The following CMTM2 variants were observed in gnomAD, a reference collection of about 807,000 sequenced individuals.
CMTM2 encodes CKLF-like MARVEL transmembrane domain-containing protein 2.
CMTM2 carries 15 observed loss-of-function variants against 16.8 expected under a neutral mutation model. That is an observed-to-expected ratio of 0.89 (90% CI 0.60 to 1.37). The LOEUF is 1.37. Among genes scored for constraint, CMTM2 ranks in the 40% most tolerant of loss-of-function variants. The pLI is 0.00. For missense variants in CMTM2, 282 were observed against 318.0 expected, an observed-to-expected ratio of 0.89 and a Z score of 0.86; for synonymous variants, 117 against 118.7, an observed-to-expected ratio of 0.99 and a Z score of 0.09.
At position 66,579,567 on chromosome 16, in the gene CMTM2, A is replaced by G; in HGVS notation, c.-41A>G. On this transcript the variant is annotated 5_prime_UTR_variant, in exon 1 of 4. Transcript: ENST00000268595. This position sits in a 1 kb window ranked among gnomAD's most constrained non-coding sequence, Gnocchi z 6.5. Reference sequence around the variant, plus strand: ...ACCCAGAAACAGCAGGAGAGAGAAGAAACAGGCCAGCTGTGAGAAGCCAAG... The same window carrying G: ...ACCCAGAAACAGCAGGAGAGAGAAGGAACAGGCCAGCTGTGAGAAGCCAAG... 1 of 1,610,272 alleles carries G rather than the reference A, an allele frequency of 6.2e-7. No homozygotes were observed. Among genetic ancestry groups the G allele is most frequent in the Non-Finnish European group, 8.5e-7 (1 of 1,178,832 alleles).
At chr16:66,585,923 C>T (rs1304979895) in intron 2 of CMTM2, among the ~76,000 whole-genome samples, 1 of 152,166 alleles carries the variant, frequency 6.6e-6, no homozygotes, top group Non-Finnish European at 1.5e-5. Context: ...TGTCTTCCAG[C>T]GCTGCAGGAT....
chr16:66,584,992 G>A (rs1423685438), intron 2 of CMTM2, among the ~76,000 whole-genome samples: 1 of 150,754 alleles, frequency 6.6e-6, no homozygotes, highest in Non-Finnish European at 1.5e-5. Flanking sequence ...TGTTGCCCAG[G>A]CTGGAGTGCA....
intron 2 of CMTM2, among the ~76,000 whole-genome samples, chr16:66,582,083 T>G (rs888725068): frequency 6.6e-6 from 1 of 152,082 alleles, no homozygotes; most frequent in Non-Finnish European, 1.5e-5. Context: ...ACACAACAAA[T>G]GGATTAGAAT....
intron 2 of CMTM2, 101 bp downstream of exon 2, chr16:66,580,285 A>C (rs533153401): frequency 5.2e-5 from 67 of 1,296,518 alleles, no homozygotes; most frequent in Middle Eastern, 3.9e-4. Context: ...CTCACCTCCC[A>C]TATCTGTGCC....
intron 2 of CMTM2, among the ~76,000 whole-genome samples, chr16:66,583,930 C>T (rs953724482): frequency 2.0e-5 from 3 of 152,198 alleles, no homozygotes; most frequent in African/African-American, 7.2e-5. Context: ...CAAAATCATA[C>T]GTTGAGGCCC....
chr16:66,579,531 A>G lies in CMTM2; in HGVS notation c.-77A>G. 6.4e-7 allele frequency: 1 copy of G among 1,559,714 alleles called. No individual in the cohort carries two copies. Among genetic ancestry groups the G allele is most frequent in the East Asian group, 2.2e-5 (1 of 44,614 alleles). On this transcript the variant is annotated 5_prime_UTR_variant, in exon 1 of 4. Coordinates refer to ENST00000268595, the MANE Select transcript of CMTM2 (RefSeq NM_144673.3). The surrounding 1 kb of genome is among the most constrained non-coding windows in gnomAD (Gnocchi z 6.5). ...CTCGGTGGACACCAGGCACTCTAGT[A>G]GGCCTGGCCTACCCAGAAACAGCAG...
chr16:66,587,260 C>T (rs2014804507), intron 3 of CMTM2, among the ~76,000 whole-genome samples, 162 bp downstream of exon 3: 1 of 152,200 alleles, frequency 6.6e-6, no homozygotes, highest in Admixed American at 6.5e-5. Context: ...GTGGTTCATG[C>T]CTATAATCCC....
rs781611810 is a variant in CMTM2 at position 66,580,162 on chromosome 16, C to T, written c.422C>T (p.Pro141Leu). The T allele has an allele frequency of 1.2e-6, 2 of 1,614,082 alleles. No individual in the cohort carries two copies. Among genetic ancestry groups the T allele is most frequent in the South Asian group, 2.2e-5 (2 of 91,066 alleles). ...LYSFAIHRYIPFILWPISDLF... is the reference protein window; with the variant it reads ...LYSFAIHRYILFILWPISDLF... The stretch of plus-strand genomic sequence containing the variant: ...AGCTTTGCCATTCATAGATACATAC[C>T]CTTCATCCTGTGGCCCATTTCTGTA... Residue 141 changes from proline to leucine, a missense_variant, in exon 2 of 4, where the codon CCC becomes CTC. By Grantham distance (98) the Pro-to-Leu change is moderately conservative. Transcript: ENST00000268595.
intron 2 of CMTM2, among the ~76,000 whole-genome samples, chr16:66,586,322 G>A (rs1461838985): frequency 6.6e-5 from 10 of 152,126 alleles, no homozygotes; most frequent in Non-Finnish European, 1.2e-4. Context: ...ACATCATGAC[G>A]TTTTATAGTT....
At position 66,588,108 on chromosome 16, in the gene CMTM2, G is replaced by A. The variant is rs753083887; in HGVS notation, c.736G>A (p.Gly246Arg). 1 of 1,612,650 alleles carries A rather than the reference G, an allele frequency of 6.2e-7. No individual in the cohort carries two copies. The highest frequency in any genetic ancestry group is 1.1e-5 in the South Asian group (1 of 91,004). The part of the protein sequence containing the change: ...EPGKPPGPAK[G>R]KK ...TGGCAAGCCACCAGGGCCAGCAAAGGGAAAGAAATGACTTGGAGGAGGCTC... is the reference window on the plus strand; with the variant it reads ...TGGCAAGCCACCAGGGCCAGCAAAGAGAAAGAAATGACTTGGAGGAGGCTC... Residue 246 changes from glycine (G) to arginine (R), a missense_variant, in exon 4 of 4, where the codon GGA (glycine) becomes AGA (arginine). Transcript: ENST00000268595.
chr16:66,588,050 C>T lies in CMTM2; in HGVS notation c.678C>T (p.Gly226=). 3.1e-6 allele frequency: 5 copies of T among 1,613,718 alleles called. No homozygotes were observed. Among genetic ancestry groups the T allele is most frequent in the South Asian group, 1.1e-5 (1 of 91,054 alleles). Residue 226 remains glycine (G), a synonymous_variant, in exon 4 of 4, where the codon GGC becomes GGT. Coordinates refer to ENST00000268595, the MANE Select transcript of CMTM2 (RefSeq NM_144673.3). The part of the protein sequence containing the change: ...PPGKEKGPQQ[G]KGPEPAKPPE... Reference sequence around the variant, plus strand: ...GAAAGGAAAAAGGACCCCAGCAGGGCAAGGGACCAGAACCCGCCAAGCCAC... The same window carrying T: ...GAAAGGAAAAAGGACCCCAGCAGGGTAAGGGACCAGAACCCGCCAAGCCAC...
rs200227017 is a variant in CMTM2, at chr16:66,579,772, G to A, written c.165G>A (p.Ala55=). 26 of 1,614,004 alleles carry A rather than the reference G, an allele frequency of 1.6e-5. No homozygotes were observed. Among genetic ancestry groups the A allele is most frequent in the Admixed American group, 8.3e-5 (5 of 60,010 alleles). The part of the protein sequence containing the change: ...HKEPSDKPQK[A]VQPKHEVGTR... ...AGCCATCGGACAAACCTCAAAAGGC[G>A]GTGCAGCCCAAGCACGAAGTGGGCA... Residue 55 remains alanine (A), a synonymous_variant, in exon 1 of 4, where the codon GCG becomes GCA. Transcript: ENST00000268595. This position sits in a 1 kb window ranked among gnomAD's most constrained non-coding sequence, Gnocchi z 6.5.
intron 2 of CMTM2, among the ~76,000 whole-genome samples, chr16:66,583,953 T>C (rs1171137408): frequency 6.6e-6 from 1 of 152,254 alleles, no homozygotes; most frequent in Non-Finnish European, 1.5e-5. Flanking sequence ...ACCCCCACTG[T>C]ACTGTACTTG....
intron 2 of CMTM2, chr16:66,580,545 C>A (rs887044698): frequency 4.5e-6 from 1 of 221,080 alleles, no homozygotes; most frequent in African/African-American, 2.3e-5. Context: ...CCCAGAAGGA[C>A]CCCATTCCCA....
At chr16:66,586,630 C>T (rs1191870248) in intron 2 of CMTM2, among the ~76,000 whole-genome samples, 2 of 152,048 alleles carry the variant, frequency 1.3e-5, no homozygotes, top group African/African-American at 2.4e-5. Flanking sequence ...CCTGCATAAT[C>T]GGAGTAAGAC....
rs143726596 is a variant in CMTM2 at position 66,587,063 on chromosome 16, C to T, written c.511C>T (p.Arg171Trp). ...VGAVVFAVRS[R>W]RSMNLHYLLA... is the part of the protein sequence containing the mutation. Reference sequence around the variant, plus strand: ...AGCCGTGGTCTTTGCTGTGAGAAGTCGGCGATCCATGAATCTCCACTACTT... The same window carrying T: ...AGCCGTGGTCTTTGCTGTGAGAAGTTGGCGATCCATGAATCTCCACTACTT... The change falls in exon 3 of 4, where the codon CGG (arginine) becomes TGG (tryptophan). Residue 171 changes from arginine (R) to tryptophan (W), a missense_variant. Coordinates refer to ENST00000268595, the MANE Select transcript of CMTM2 (RefSeq NM_144673.3). 211 of 1,613,906 alleles carry T rather than the reference C, an allele frequency of 1.3e-4. No individual in the cohort carries two copies. Among genetic ancestry groups the T allele is most frequent in the Non-Finnish European group, 1.7e-4 (205 of 1,179,992 alleles).
Position 66,583,484 on chromosome 16 carries a change from TG to T in CMTM2, c.444+3301del, listed in dbSNP as rs573613221. The stretch of plus-strand genomic sequence containing the variant: ...TCCAGCCTGGGTGACAGAGCGAGAC[TG>T]TCTCAAAAAAAAAAAAATGCTCTTT... On this transcript the variant is annotated intron_variant, in intron 2 of 3. Coordinates refer to ENST00000268595, the MANE Select transcript of CMTM2 (RefSeq NM_144673.3). Among the ~76,000 whole-genome samples, 8 of 150,974 alleles carry T rather than the reference TG, an allele frequency of 5.3e-5. No individual in the cohort carries two copies. In the East Asian group the frequency reaches 1.6e-3, roughly 29 times the overall value.
Position 66,579,891 on chromosome 16 carries a change from T to G in CMTM2, c.284T>G (p.Leu95Trp). ...CACGCTGAGATCAAGATTCGGAGTT[T>G]GGTGAGCTAAACTGGTATCCCTGGG... ...LGHAEIKIRS[L>W]GCLIAAMILL... is the part of the protein sequence containing the mutation. Residue 95 changes from leucine (L) to tryptophan (W), a missense_variant and splice_region_variant, in exon 1 of 4, where the codon TTG becomes TGG. Physicochemically the swap from Leu to Trp is moderately conservative, Grantham distance 61. Coordinates refer to ENST00000268595, the MANE Select transcript of CMTM2 (RefSeq NM_144673.3). This position sits in a 1 kb window ranked among gnomAD's most constrained non-coding sequence, Gnocchi z 6.5. 1 of 1,562,648 alleles carries G rather than the reference T, an allele frequency of 6.4e-7. No homozygotes were observed. Among genetic ancestry groups the G allele is most frequent in the Non-Finnish European group, 8.7e-7 (1 of 1,149,666 alleles).
Position 66,580,151 on chromosome 16 carries a change from T to C in CMTM2, c.411T>C (p.His137=). Residue 137 remains histidine, a synonymous_variant, in exon 2 of 4, where the codon CAT becomes CAC. Coordinates refer to ENST00000268595, the MANE Select transcript of CMTM2 (RefSeq NM_144673.3). ...TCTTACTGTACAGCTTTGCCATTCA[T>C]AGATACATACCCTTCATCCTGTGGC... The part of the protein sequence containing the change: ...FFILLYSFAI[H]RYIPFILWPI... 1 of 1,614,168 alleles carries C rather than the reference T, an allele frequency of 6.2e-7. No individual in the cohort carries two copies. Among genetic ancestry groups the C allele is most frequent in the Non-Finnish European group, 8.5e-7 (1 of 1,180,010 alleles).
Sources: allele counts gnomAD v4.1 joint callset (sites outside exome capture counted in the v4.1 genomes callset), GRCh38; gene constraint gnomAD v4.1.1; non-coding constraint Gnocchi (gnomAD v3.1); transcripts MANE v1.5; gene names NCBI Gene and HGNC (gene_info 2026-07-23, HGNC 2026-07-21).